The following ACSL6 variants were observed in gnomAD, a reference collection of about 807,000 sequenced individuals.
The protein encoded by ACSL6 is long-chain-fatty-acid--CoA ligase 6.
In ACSL6, 47 loss-of-function variants were observed where a neutral mutation model predicts 98.2. That is an observed-to-expected ratio of 0.48 (90% CI 0.38 to 0.61). The LOEUF (loss-of-function observed/expected upper bound fraction) is 0.61, where lower values mean the gene tolerates loss of function less well. Ranked by LOEUF, ACSL6 falls within the 20% of genes least tolerant of loss-of-function variation. The pLI, the probability that ACSL6 is intolerant of heterozygous loss-of-function variation, is 0.00. For synonymous variants in ACSL6, 362 were observed against 336.9 expected, an observed-to-expected ratio of 1.07 and a Z score of -0.82; for missense variants, 761 against 913.4, an observed-to-expected ratio of 0.83 and a Z score of 2.15.
chr5:131,994,502 C>T, intron 1 of ACSL6: 1 of 503,868 alleles, frequency 2.0e-6, no homozygotes, highest in South Asian at 2.2e-5. Context: ...ACGCTCAGGC[C>T]CTGGGCCATG....
chr5:131,967,812 C>A, intron 16 of ACSL6, 128 bp downstream of exon 16: 1 of 778,500 alleles, frequency 1.3e-6, no homozygotes, highest in Non-Finnish European at 2.1e-6. Flanking sequence ...TGAGCTGAGT[C>A]AAATTAATCA....
rs534655483 is a variant in ACSL6 at position 131,964,696 on chromosome 5, C to A, written c.1713+1720G>T. ...TGATGCAAGTGAGGGGGCTTGAAGC[C>A]TAAGCTCCCTGAGCCAACAGGACAA... On this transcript the variant is annotated intron_variant, in intron 17 of 20. Transcript: ENST00000651883. 2.0e-5 allele frequency among the ~76,000 whole-genome samples: 3 copies of A among 152,280 alleles called. No homozygotes were observed. In the South Asian group the frequency reaches 6.2e-4, roughly 32 times the overall value.
Position 131,972,810 on chromosome 5 carries a change from C to T in ACSL6, c.1252G>A (p.Ala418Thr), listed in dbSNP as rs1753384102. Reference sequence around the variant, plus strand: ...ACCTCGGCTTGCTTACGCTTTGCTGCAAACTCCAGGAGCCAGCGCTTTAAT... The same window carrying T: ...ACCTCGGCTTGCTTACGCTTTGCTGTAAACTCCAGGAGCCAGCGCTTTAAT... ...TPLKRWLLEF[A>T]AKRKQAEVRS... The change falls in exon 13 of 21, where the codon GCA becomes ACA. Residue 418 changes from alanine (A) to threonine (T), a missense_variant. By Grantham distance (58) the Ala-to-Thr change is moderately conservative. Coordinates refer to ENST00000651883, the MANE Select transcript of ACSL6 (RefSeq NM_001009185.3). 6.2e-7 allele frequency: 1 copy of T among 1,614,228 alleles called. No homozygotes were observed. Among genetic ancestry groups the T allele is most frequent in the African/African-American group, 1.3e-5 (1 of 75,054 alleles).
intron 1 of ACSL6, among the ~76,000 whole-genome samples, chr5:132,009,829 C>T (rs1382048781): frequency 6.6e-6 from 1 of 152,168 alleles, no homozygotes; most frequent in Non-Finnish European, 1.5e-5. Context: ...CTTTTTCTCA[C>T]AGGCTGCTGA....
intron 10 of ACSL6, chr5:131,975,214 G>C: frequency 7.3e-7 from 1 of 1,368,562 alleles, no homozygotes; most frequent in Non-Finnish European, 9.4e-7. Flanking sequence ...CATAGGAAGC[G>C]GAGTGTTAGG....
rs928252698 is a variant in ACSL6 at position 131,954,069 on chromosome 5, A to C, written c.*165T>G. On this transcript the variant is annotated 3_prime_UTR_variant, in exon 21 of 21. Transcript: ENST00000651883. ...TAATAAAAATAAAATATACTCATTG[A>C]TGATAGAGAAAATATTGTTAAAGAC... 2 of 517,760 alleles carry C rather than the reference A, an allele frequency of 3.9e-6. No individual in the cohort carries two copies. The highest frequency in any genetic ancestry group is 6.2e-6 in the Non-Finnish European group (2 of 324,372). 32.1% of individuals were successfully genotyped at this position (517,760 alleles called of 1,614,324 possible).
intron 1 of ACSL6, among the ~76,000 whole-genome samples, chr5:132,005,963 C>T (rs1421301848): frequency 6.6e-6 from 1 of 152,228 alleles, no homozygotes; most frequent in Non-Finnish European, 1.5e-5. Flanking sequence ...TGCCAGCCCA[C>T]ATTTGCTTAT....
chr5:131,985,893 G>C (rs1207900349), intron 8 of ACSL6, among the ~76,000 whole-genome samples: 1 of 152,198 alleles, frequency 6.6e-6, no homozygotes, highest in East Asian at 1.9e-4. Flanking sequence ...CGTGTGGCTT[G>C]GGCACTGAGC....
At chr5:131,991,856 G>A (rs1754539475) in intron 2 of ACSL6, among the ~76,000 whole-genome samples, 1 of 152,158 alleles carries the variant, frequency 6.6e-6, no homozygotes, top group African/African-American at 2.4e-5. Context: ...GCAAACAGCC[G>A]AACTCAAAAC....
intron 1 of ACSL6, among the ~76,000 whole-genome samples, chr5:132,004,514 C>G (rs774718047): frequency 6.6e-6 from 1 of 152,206 alleles, no homozygotes; most frequent in Non-Finnish European, 1.5e-5. Context: ...TATGTCTTGT[C>G]AGCCTCTGGG....
rs115443210 is a variant in ACSL6, at chr5:131,958,017, G to A, written c.2031+1519C>T. On this transcript the variant is annotated intron_variant, in intron 20 of 20. Transcript: ENST00000651883. ...GGCAGATTATTAGAGCAGAAACTCT[G>A]CGAAAGGCATGTGGAAAGTCAAGAA... 2.9e-3 allele frequency among the ~76,000 whole-genome samples: 442 copies of A among 152,350 alleles called. 5 individuals carry two copies. The highest frequency in any genetic ancestry group is 0.01 in the African/African-American group (416 of 41,578).
At chr5:131,979,776 G>A (rs572059710) in intron 9 of ACSL6, among the ~76,000 whole-genome samples, 1 of 152,320 alleles carries the variant, frequency 6.6e-6, no homozygotes, top group Admixed American at 6.5e-5. Context: ...CTTTTCTGGT[G>A]CAATGTCAGT....
At chr5:131,999,455 G>A (rs1394289687) in intron 1 of ACSL6, 10 of 152,216 alleles carry the variant, frequency 6.6e-5, no homozygotes, top group South Asian at 2.1e-4. Context: ...GGCTGAGCTC[G>A]TCCCACTAGA....
intron 20 of ACSL6, among the ~76,000 whole-genome samples, chr5:131,956,695 G>GT (rs970386594): frequency 1.3e-5 from 2 of 151,906 alleles, no homozygotes; most frequent in Admixed American, 6.6e-5. Flanking sequence ...CAAACCTATA[G>GT]TTTTTTTTAG....
intron 7 of ACSL6, 127 bp from the exon 8 acceptor site, chr5:131,986,981 TCACACACACA>T (rs58544750): frequency 5.7e-5 from 5 of 87,728 alleles, no homozygotes; most frequent in African/African-American, 1.5e-4. Context: ...ACCCACACAC[TCACACACACA>T]CACACACACC....
At chr5:131,969,856 G>A (rs1196118999) in intron 15 of ACSL6, among the ~76,000 whole-genome samples, 1 of 152,146 alleles carries the variant, frequency 6.6e-6, no homozygotes, top group African/African-American at 2.4e-5. Flanking sequence ...GGAAAGCAGG[G>A]CTGTAGTGGG....
intron 2 of ACSL6, among the ~76,000 whole-genome samples, chr5:131,991,536 G>C (rs1272782841): frequency 1.3e-5 from 2 of 152,200 alleles, no homozygotes; most frequent in South Asian, 2.1e-4. Flanking sequence ...GGGAGGACAG[G>C]CTGAATTATG....
At chr5:131,961,728 T>C (rs1326029850) in intron 18 of ACSL6, among the ~76,000 whole-genome samples, 1 of 151,998 alleles carries the variant, frequency 6.6e-6, no homozygotes, top group Non-Finnish European at 1.5e-5. Flanking sequence ...ACTCATGATC[T>C]TTCTGACTTT....
chr5:131,991,105 C>T (rs916753150), intron 2 of ACSL6, 138 bp from the exon 3 acceptor site: 34 of 686,750 alleles, frequency 5.0e-5, no homozygotes, highest in African/African-American at 8.7e-5. Context: ...TCTGTGTGCC[C>T]GCGTACACAT....
Sources: gnomAD v4.1 joint callset for allele counts (sites outside exome capture counted in the v4.1 genomes callset) on GRCh38, gnomAD v4.1.1 for gene constraint, MANE v1.5 for transcripts, NCBI Gene and HGNC (gene_info 2026-07-23, HGNC 2026-07-21) for gene names.